Variants in PTGER3 observed in about 807,000 individuals in gnomAD.
PTGER3 encodes prostaglandin E2 receptor EP3 subtype.
Under a neutral mutation model 34.7 loss-of-function variants are expected in PTGER3, and 22 were observed. The ratio of observed to expected loss-of-function variants is 0.63; its 90% confidence interval spans 0.45 to 0.91. The LOEUF is 0.91. Among genes scored for constraint, PTGER3 ranks in the 40% least tolerant of loss-of-function variants. The pLI, the probability that PTGER3 is intolerant of heterozygous loss-of-function variation, is 0.00. For synonymous variants in PTGER3, 241 were observed against 230.1 expected (o/e 1.05, Z -0.43); for missense variants, 468 against 519.4 (o/e 0.90, Z 0.96).
chr1:70,886,615 T>C (rs1646503862), intron 4 of PTGER3, among the ~76,000 whole-genome samples: 2 of 152,158 alleles, frequency 1.3e-5, no homozygotes, highest in African/African-American at 4.8e-5. Flanking sequence ...CTCTCTCTCT[T>C]CTCTTCACTC....
intron 1 of PTGER3, among the ~76,000 whole-genome samples, chr1:71,027,776 A>G (rs574443138): frequency 6.6e-6 from 1 of 152,268 alleles, no homozygotes; most frequent in African/African-American, 2.4e-5. Flanking sequence ...AATTCACCCA[A>G]TATATCTGAA....
At chr1:70,942,500 T>G (rs1649850114) in intron 4 of PTGER3, among the ~76,000 whole-genome samples, 1 of 152,188 alleles carries the variant, frequency 6.6e-6, no homozygotes, top group Admixed American at 6.6e-5. Context: ...TATTTAAAAT[T>G]CCATAGATAA....
At chr1:70,937,531 G>A (rs958340506) in intron 4 of PTGER3, among the ~76,000 whole-genome samples, 1 of 152,144 alleles carries the variant, frequency 6.6e-6, no homozygotes, top group African/African-American at 2.4e-5. Flanking sequence ...ATGAATCCCT[G>A]AGAAAATCAA....
At chr1:70,893,707 G>A (rs1646666748) in intron 4 of PTGER3, among the ~76,000 whole-genome samples, 1 of 152,168 alleles carries the variant, frequency 6.6e-6, no homozygotes. Flanking sequence ...TACACAAAGT[G>A]TTAAAATAAG....
chr1:70,914,357 G>A (rs1647128324), intron 4 of PTGER3, among the ~76,000 whole-genome samples: 1 of 151,836 alleles, frequency 6.6e-6, no homozygotes, highest in Non-Finnish European at 1.5e-5. Context: ...TTGGCACATT[G>A]CTGGAACAGA....
downstream of PTGER3, among the ~76,000 whole-genome samples, chr1:70,968,477 C>A (rs112019140): frequency 4.6e-3 from 701 of 152,054 alleles, 13 homozygotes; most frequent in African/African-American, 0.016. Context: ...TGCATAATGA[C>A]AAGAATTTGT....
At chr1:70,935,671 A>AT (rs58931788) in intron 4 of PTGER3, among the ~76,000 whole-genome samples, 35,179 of 96,146 alleles carry the variant, frequency 0.37, 5,184 homozygotes, top group African/African-American at 0.5. Context: ...ATACAAATAT[A>AT]AATATATATA....
chr1:71,025,131 C>CGCTTCCTT (rs1553178203), intron 1 of PTGER3, among the ~76,000 whole-genome samples: 1 of 124,354 alleles, frequency 8.0e-6, no homozygotes, highest in Non-Finnish European at 1.6e-5. Context: ...AGATTCCAGG[C>CGCTTCCTT]CCTTCCTTCC....
intron 2 of PTGER3, among the ~76,000 whole-genome samples, chr1:70,995,058 G>A (rs573358304): frequency 1.3e-5 from 2 of 152,182 alleles, no homozygotes; most frequent in South Asian, 2.1e-4. Flanking sequence ...AGTAATCACC[G>A]AGGCATAAAT....
chr1:71,010,468 T>C lies in PTGER3; in HGVS notation c.1077+1837A>G, dbSNP rs367586363. ...GACAGTTTCTATATTCCAGGTGCTATACTAGATGCTGGAAGGAATAACCTA... is the reference window on the plus strand; with the variant it reads ...GACAGTTTCTATATTCCAGGTGCTACACTAGATGCTGGAAGGAATAACCTA... On this transcript the variant is annotated intron_variant, in intron 2 of 3. Coordinates refer to ENST00000306666, the MANE Select transcript of PTGER3 (RefSeq NM_198719.2). The C allele has an allele frequency of 5.1e-6, 5 of 983,772 alleles. No individual in the cohort carries two copies. In the African/African-American group the frequency reaches 5.3e-5, roughly 10 times the overall value. The allele number at this position is 983,772 out of a possible 1,614,324, so 60.9% of individuals were successfully genotyped here. A position where few individuals can be genotyped will look rare whatever the true frequency, so the allele number is the denominator to read the frequency against.
At chr1:70,933,478 A>C (rs141579674) in intron 4 of PTGER3, among the ~76,000 whole-genome samples, 3 of 152,230 alleles carry the variant, frequency 2.0e-5, no homozygotes, top group Non-Finnish European at 4.4e-5. Flanking sequence ...GATATCATTT[A>C]ATATATTTCC....
At chr1:70,901,036 G>A (rs573322546) in intron 4 of PTGER3, among the ~76,000 whole-genome samples, 6 of 152,264 alleles carry the variant, frequency 3.9e-5, no homozygotes, top group South Asian at 4.1e-4. Flanking sequence ...AAACCATGCC[G>A]TATGTGGTAA....
intron 1 of PTGER3, among the ~76,000 whole-genome samples, chr1:71,025,398 A>T (rs1215645149): frequency 6.6e-6 from 1 of 152,064 alleles, no homozygotes; most frequent in African/African-American, 2.4e-5. Flanking sequence ...CTATAAGAGG[A>T]TATTCTATTA....
chr1:70,886,333 G>A (rs1161687998), intron 4 of PTGER3: 8 of 447,836 alleles, frequency 1.8e-5, no homozygotes, highest in Non-Finnish European at 3.1e-5. Context: ...CCAGAACTGT[G>A]AGAAACAAAT....
intron 2 of PTGER3, among the ~76,000 whole-genome samples, chr1:71,005,330 A>C (rs1049847739): frequency 6.6e-6 from 1 of 152,190 alleles, no homozygotes; most frequent in Admixed American, 6.5e-5. Flanking sequence ...AGATTTGGAA[A>C]CTGTAATGCT....
intron 4 of PTGER3, among the ~76,000 whole-genome samples, chr1:70,885,703 C>T (rs551273791): frequency 4.6e-5 from 7 of 151,898 alleles, no homozygotes; most frequent in African/African-American, 1.7e-4. Context: ...GCAGTCACTC[C>T]CTTCACCAAG....
At chr1:71,042,220 G>C (rs930636706) in intron 1 of PTGER3, among the ~76,000 whole-genome samples, 2 of 149,998 alleles carry the variant, frequency 1.3e-5, no homozygotes, top group Non-Finnish European at 3.0e-5. Context: ...TTGTTTTCTT[G>C]AACATTTTTA....
At chr1:70,966,312 G>A (rs1652507228), downstream of PTGER3, among the ~76,000 whole-genome samples, 1 of 151,666 alleles carries the variant, frequency 6.6e-6, no homozygotes, top group Non-Finnish European at 1.5e-5. Flanking sequence ...TCAGGTGATG[G>A]GTTCACCAAA....
intron 1 of PTGER3, among the ~76,000 whole-genome samples, chr1:71,025,839 G>C (rs747657906): frequency 6.6e-6 from 1 of 152,158 alleles, no homozygotes; most frequent in African/African-American, 2.4e-5. Context: ...CAGTTAACAT[G>C]GCTCTCTTTG....
Sources: allele counts gnomAD v4.1 joint callset (sites outside exome capture counted in the v4.1 genomes callset), GRCh38; gene constraint gnomAD v4.1.1; transcripts MANE v1.5; gene names NCBI Gene and HGNC (gene_info 2026-07-23, HGNC 2026-07-21).